Variants in PACRG observed in about 807,000 individuals in gnomAD.
PACRG encodes parkin coregulated gene protein.
Under a neutral mutation model 29.7 loss-of-function variants are expected in PACRG, and 29 were observed. The observed-to-expected ratio is 0.98, with a 90% confidence interval of 0.73 to 1.33. PACRG has a LOEUF of 1.33. Ranked by LOEUF, PACRG falls within the 40% of genes most tolerant of loss-of-function variation. The pLI is 0.00. For synonymous variants in PACRG, 116 were observed against 118.7 expected (o/e 0.98, Z 0.15); for missense variants, 279 against 316.2 (o/e 0.88, Z 0.89).
At chr6:163,042,664 G>A (rs576474893) in intron 2 of PACRG, 1 of 147,752 alleles carries the variant, frequency 6.8e-6, no homozygotes, top group Admixed American at 6.8e-5. Flanking sequence ...CAATCTAAAA[G>A]GTCTAAATAA....
At chr6:163,151,739 T>C (rs1778101541) in intron 4 of PACRG, among the ~76,000 whole-genome samples, 1 of 152,238 alleles carries the variant, frequency 6.6e-6, no homozygotes, top group South Asian at 2.1e-4. Context: ...CTAAAAAGTA[T>C]CCTTTGATCC....
In PACRG at chr6:163,127,677, T is replaced by G. The variant is rs113079255; in HGVS notation, c.613+38269T>G. Among the ~76,000 whole-genome samples, 909 of 152,330 alleles carry G rather than the reference T, an allele frequency of 6.0e-3. 11 individuals carry two copies. The highest frequency in any genetic ancestry group is 0.021 in the African/African-American group (865 of 41,578). ...GCTTGACATAGAAAAGTGTGTATGC[T>G]CTCTGTCATATATGAAGAAGTCTTT... On this transcript the variant is annotated intron_variant, in intron 4 of 4. Transcript: ENST00000366888.
chr6:163,026,803 G>T (rs539166962), intron 2 of PACRG, among the ~76,000 whole-genome samples: 1 of 152,358 alleles, frequency 6.6e-6, no homozygotes, highest in South Asian at 2.1e-4. Context: ...GGAAACTTCA[G>T]AAAAGGGCCA....
At chr6:162,963,662 TTATA>T (rs1489828163) in intron 2 of PACRG, among the ~76,000 whole-genome samples, 1 of 150,702 alleles carries the variant, frequency 6.6e-6, no homozygotes, top group Non-Finnish European at 1.5e-5. Context: ...ATTGCACATT[TTATA>T]TATACATTTT....
chr6:162,851,989 G>A (rs9356070), intron 2 of PACRG, among the ~76,000 whole-genome samples: 9,524 of 103,598 alleles, frequency 0.092, 486 homozygotes, highest in East Asian at 0.38. Flanking sequence ...AAAGAAAAGG[G>A]AGGGAGGGAG....
intron 2 of PACRG, among the ~76,000 whole-genome samples, chr6:163,058,093 C>T (rs529337807): frequency 7.9e-5 from 12 of 152,320 alleles, no homozygotes; most frequent in African/African-American, 2.6e-4. Flanking sequence ...TTTAGGGTAA[C>T]TCAGGTAGAG....
chr6:162,732,245 A>C (rs1337966523), intron 1 of PACRG, among the ~76,000 whole-genome samples: 1 of 152,220 alleles, frequency 6.6e-6, no homozygotes, highest in Non-Finnish European at 1.5e-5. Context: ...GAAGCTATGT[A>C]GTTCCAAAAG....
chr6:163,069,435 G>T (rs1811845758), intron 3 of PACRG, among the ~76,000 whole-genome samples: 1 of 152,030 alleles, frequency 6.6e-6, no homozygotes, highest in African/African-American at 2.4e-5. Context: ...TTAGGATTCT[G>T]TTAGATAAAT....
intron 2 of PACRG, among the ~76,000 whole-genome samples, chr6:162,942,927 A>C (rs1056511570): frequency 6.6e-6 from 1 of 152,236 alleles, no homozygotes; most frequent in African/African-American, 2.4e-5. Context: ...AAGAAGTGAC[A>C]GGAAACACCT....
At chr6:163,265,555 G>A (rs969037322) in intron 4 of PACRG, among the ~76,000 whole-genome samples, 15 of 152,196 alleles carry the variant, frequency 9.9e-5, no homozygotes, top group African/African-American at 3.6e-4. Context: ...TATGCATAGA[G>A]TAGTCGCTGA....
intron 4 of PACRG, among the ~76,000 whole-genome samples, chr6:163,280,243 C>T (rs1346721298): frequency 2.0e-5 from 3 of 152,130 alleles, no homozygotes; most frequent in Admixed American, 6.5e-5. Flanking sequence ...TTGTTGCTGC[C>T]GTGTCCTGAG....
At chr6:163,002,932 ACT>A (rs1389137573) in intron 2 of PACRG, among the ~76,000 whole-genome samples, 2 of 151,890 alleles carry the variant, frequency 1.3e-5, no homozygotes, top group Non-Finnish European at 2.9e-5. Flanking sequence ...ATTTTTTGAG[ACT>A]CTCAAATATT....
intron 2 of PACRG, among the ~76,000 whole-genome samples, chr6:162,847,005 C>G (rs1790449071): frequency 7.1e-6 from 1 of 140,086 alleles, no homozygotes. Flanking sequence ...GTGCTCCCCA[C>G]ACTGTGATGC....
chr6:162,958,872 TATATATATATATAGAGAGAGAGAGAGAG>T (rs202130995), intron 2 of PACRG, among the ~76,000 whole-genome samples: 4,940 of 60,084 alleles, frequency 0.082, 109 homozygotes, highest in East Asian at 0.13. Flanking sequence ...TATATATATA[TATATATATATATAGAGAGAGAGAGAGAG>T]AGAGAGAGAG....
intron 4 of PACRG, among the ~76,000 whole-genome samples, chr6:163,283,807 C>CA (rs11342579): frequency 0.02 from 2,004 of 100,150 alleles, 36 homozygotes; most frequent in Admixed American, 0.069. Context: ...GACTCCGTCT[C>CA]AAAAAAAAAA....
intron 1 of PACRG, among the ~76,000 whole-genome samples, chr6:162,787,978 G>A: frequency 6.6e-6 from 1 of 152,052 alleles, no homozygotes; most frequent in Non-Finnish European, 1.5e-5. Context: ...TGTGCTCCCT[G>A]CACCAGTGTG....
intron 2 of PACRG, among the ~76,000 whole-genome samples, chr6:162,877,290 A>G (rs1793442978): frequency 6.6e-6 from 1 of 152,198 alleles, no homozygotes; most frequent in African/African-American, 2.4e-5. Flanking sequence ...TTGCAGGGAC[A>G]TGGATGAAGC....
At position 162,775,536 on chromosome 6, in the gene PACRG, G is replaced by A. The variant is rs1025020426; in HGVS notation, c.157-38611G>A. Among the ~76,000 whole-genome samples, 5 of 152,260 alleles carry A rather than the reference G, an allele frequency of 3.3e-5. No homozygotes were observed. The East Asian group carries it at 7.7e-4, about 24-fold the overall frequency. On this transcript the variant is annotated intron_variant, in intron 1 of 4. Coordinates refer to ENST00000366888, the MANE Select transcript of PACRG (RefSeq NM_001080379.2). ...TGATAACTATGTACTTGAGTCATAA[G>A]TAATTATGTAATTTGTCTGAAATGC...
intron 2 of PACRG, among the ~76,000 whole-genome samples, chr6:162,879,083 C>CT (rs1793611623): frequency 6.6e-6 from 1 of 152,094 alleles, no homozygotes; most frequent in African/African-American, 2.4e-5. Flanking sequence ...CTTTAAAAAG[C>CT]TTCTCAGTTT....
Sources: allele counts gnomAD v4.1 joint callset (sites outside exome capture counted in the v4.1 genomes callset), GRCh38; gene constraint gnomAD v4.1.1; transcripts MANE v1.5; gene names NCBI Gene and HGNC (gene_info 2026-07-23, HGNC 2026-07-21).